The following SREBF1 variants were observed in gnomAD, a reference collection of about 807,000 sequenced individuals.
SREBF1 encodes the protein sterol regulatory element-binding protein 1.
A neutral mutation model predicts 100.1 loss-of-function variants in SREBF1; 45 were observed. The ratio of observed to expected loss-of-function variants is 0.45; its 90% CI spans 0.35 to 0.58. The LOEUF (loss-of-function observed/expected upper bound fraction) is 0.58. SREBF1 is among the 20% of genes least tolerant of loss of function. SREBF1 has a pLI of 0.00. For synonymous variants in SREBF1, 657 were observed against 681.8 expected (o/e 0.96, Z 0.57); for missense variants, 1,324 against 1,539.4 (o/e 0.86, Z 2.34).
intron 1 of SREBF1, among the ~76,000 whole-genome samples, chr17:17,831,177 A>G (rs1004388866): frequency 6.9e-4 from 54 of 78,052 alleles, no homozygotes; most frequent in African/African-American, 2.5e-3. Flanking sequence ...GGCAGTAACT[A>G]GTCTAGAGCT....
chr17:17,814,177 G>T, intron 16 of SREBF1, 68 bp downstream of exon 16: 1 of 1,522,946 alleles, frequency 6.6e-7, no homozygotes, highest in East Asian at 2.4e-5. Flanking sequence ...CTGGGGGCTG[G>T]GGAGAGGAAC....
chr17:17,816,662 C>T lies in SREBF1; in HGVS notation c.1842G>A (p.Arg614=). 6.3e-7 allele frequency: 1 copy of T among 1,587,462 alleles called. No homozygotes were observed. Among genetic ancestry groups the T allele is most frequent in the Non-Finnish European group, 8.6e-7 (1 of 1,168,108 alleles). Residue 614 remains arginine (R), a synonymous_variant, in exon 10 of 19, where the codon CGG becomes CGA. Transcript: ENST00000261646. The part of the protein sequence containing the change: ...QLWLALRALG[R]PLPTSHLDLA... Reference sequence around the variant, plus strand: ...GGTCCAGGTGGGAGGTGGGCAGGGGCCGGCCCAGTGCCCGCAGGGCCAGCC... The same window carrying T: ...GGTCCAGGTGGGAGGTGGGCAGGGGTCGGCCCAGTGCCCGCAGGGCCAGCC...
chr17:17,822,486 G>A (rs1480455604), intron 1 of SREBF1, among the ~76,000 whole-genome samples: 2 of 152,186 alleles, frequency 1.3e-5, no homozygotes, highest in African/African-American at 4.8e-5. Flanking sequence ...ATACAGACTG[G>A]GACACACTCC....
At chr17:17,836,515 C>T (rs1361793218) in intron 1 of SREBF1, among the ~76,000 whole-genome samples, 1 of 152,196 alleles carries the variant, frequency 6.6e-6, no homozygotes, top group Non-Finnish European at 1.5e-5. Flanking sequence ...GCCCAGGAGC[C>T]CTCACCCACA....
intron 16 of SREBF1, 21 bp downstream of exon 16, chr17:17,814,224 G>T: frequency 6.3e-7 from 1 of 1,594,424 alleles, no homozygotes. Flanking sequence ...GCCCTGCCAG[G>T]CCCCTGACCC....
intron 5 of SREBF1, chr17:17,818,689 G>A (rs1400325965): frequency 1.3e-5 from 7 of 547,778 alleles, no homozygotes; most frequent in Admixed American, 3.1e-5. Context: ...TCTCTGCAAC[G>A]AGCCAAACGT....
chr17:17,819,424 CT>C lies in SREBF1; in HGVS notation c.741del (p.Asp248ThrfsTer5). The C allele has an allele frequency of 6.2e-7, 1 of 1,613,856 alleles. No homozygotes were observed. Among genetic ancestry groups the C allele is most frequent in the African/African-American group, 1.3e-5 (1 of 75,078 alleles). The part of the protein sequence containing the change: ...PVLLQPHFIK[A>X]DSLLLTAMKT... Reference sequence around the variant, plus strand: ...TTCATGGCTGTCAGAAGCAGCGAGTCTGCCTTGATGAAGTGGGGCTGCAGCA... The same window carrying C: ...TTCATGGCTGTCAGAAGCAGCGAGTCGCCTTGATGAAGTGGGGCTGCAGCA... On this transcript the variant is annotated frameshift_variant, in exon 4 of 19. Transcript: ENST00000261646. LOFTEE classifies it high-confidence loss of function.
At chr17:17,813,920 G>A (rs2033244129) in intron 16 of SREBF1, 151 bp from the exon 17 acceptor site, 2 of 851,930 alleles carry the variant, frequency 2.3e-6, no homozygotes, top group Non-Finnish European at 3.6e-6. Flanking sequence ...AATGCACCGC[G>A]GGGCCGCCCG....
At chr17:17,831,392 G>A (rs917744324) in intron 1 of SREBF1, among the ~76,000 whole-genome samples, 7 of 152,074 alleles carry the variant, frequency 4.6e-5, no homozygotes, top group East Asian at 3.9e-4. Context: ...ACATCAGGGC[G>A]GGAGAACTCT....
Position 17,823,646 on chromosome 17 carries a change from T to C in SREBF1, c.92-3125A>G, listed in dbSNP as rs202244145. ...GCGGATTTTTGAAGCCGTTGAGCGC[T>C]GCGGCGCGCCCGCCCCGCCCCGCCC... On this transcript the variant is annotated intron_variant, in intron 1 of 18. Coordinates refer to ENST00000261646, the MANE Select transcript of SREBF1 (RefSeq NM_004176.5). 4,921 of 1,530,330 alleles carry C rather than the reference T, an allele frequency of 3.2e-3. 124 individuals carry two copies. In the African/African-American group the frequency reaches 0.056, roughly 17 times the overall value. 94.8% of individuals were successfully genotyped at this position (1,530,330 alleles called of 1,614,324 possible).
chr17:17,828,023 T>C (rs1249054120), intron 1 of SREBF1, among the ~76,000 whole-genome samples: 1 of 152,054 alleles, frequency 6.6e-6, no homozygotes, highest in Non-Finnish European at 1.5e-5. Flanking sequence ...TGGGGGCCCC[T>C]CCTGTCAGGG....
Position 17,812,825 on chromosome 17 carries a change from G to GCCGCGGCTCCAGCTCCGCCA in SREBF1, c.3221_3240dup (p.Pro1081TrpfsTer133). On this transcript the variant is annotated frameshift_variant, in exon 19 of 19. Coordinates refer to ENST00000261646, the MANE Select transcript of SREBF1 (RefSeq NM_004176.5). LOFTEE classifies it high-confidence loss of function. ...GCCTCCGCGTGCTCCCGCCGCGTGG[G>GCCGCGGCTCCAGCTCCGCCA]CCGCGGCTCCAGCTCCGCCACCGCG... The GCCGCGGCTCCAGCTCCGCCA allele has an allele frequency of 6.8e-7, 1 of 1,477,418 alleles. No homozygotes were observed. The highest frequency in any genetic ancestry group is 1.4e-5 in the African/African-American group (1 of 69,830). 91.5% of individuals were successfully genotyped at this position (1,477,418 alleles called of 1,614,324 possible).
At chr17:17,818,810 ATG>A (rs2033856431) in intron 5 of SREBF1, 9 of 651,286 alleles carry the variant, frequency 1.4e-5, no homozygotes, top group Non-Finnish European at 1.9e-5. Context: ...TGCATCCCCA[ATG>A]CCTAGCACAG....
In SREBF1 at chr17:17,819,627, C is replaced by T. The variant is rs1289091917; in HGVS notation, c.622G>A (p.Val208Met). ...ACTGTCAGTAGCTGCTGGGGGACCACACTCTGGACCTGGGTGTGCAAGGAG... is the reference window on the plus strand; with the variant it reads ...ACTGTCAGTAGCTGCTGGGGGACCATACTCTGGACCTGGGTGTGCAAGGAG... ...PVSLHTQVQSVVPQQLLTVTA... is the reference protein window; with the variant it reads ...PVSLHTQVQSMVPQQLLTVTA... Residue 208 changes from valine (V) to methionine (M), a missense_variant, in exon 3 of 19, where the codon GTG becomes ATG. Transcript: ENST00000261646. The T allele has an allele frequency of 6.2e-7, 1 of 1,613,068 alleles. No individual in the cohort carries two copies.
In SREBF1 at chr17:17,815,886, C is replaced by G; in HGVS notation, c.2357G>C (p.Ser786Thr). 1.9e-6 allele frequency: 3 copies of G among 1,612,926 alleles called. No homozygotes were observed. The highest frequency in any genetic ancestry group is 2.5e-6 in the Non-Finnish European group (3 of 1,179,900). Residue 786 changes from serine to threonine, a missense_variant, in exon 12 of 19, where the codon AGC (serine) becomes ACC (threonine). Transcript: ENST00000261646. ...TGGGTTCCCGGCCAAGCTGTACAGG[C>G]TCTCCCATGGGGTACTGAGCACGGA... ...DWSVLSTPWE[S>T]LYSLAGNPVD...
At chr17:17,832,154 G>A (rs2034899868) in intron 1 of SREBF1, among the ~76,000 whole-genome samples, 1 of 152,164 alleles carries the variant, frequency 6.6e-6, no homozygotes, top group East Asian at 1.9e-4. Context: ...TTGAATTCTG[G>A]CTTTGCCATC....
chr17:17,836,847 CG>C lies in SREBF1; in HGVS notation c.-31del, dbSNP rs537948037. On this transcript the variant is annotated 5_prime_UTR_variant, in exon 1 of 19. Transcript: ENST00000261646. ...CAGCCGCCTCCTCCGGGAGGCCCGC[CG>C]GGCCCGCCGCCTCGTACGGCCCTTC... The C allele has an allele frequency of 6.8e-7, 1 of 1,478,336 alleles. No individual in the cohort carries two copies. Among genetic ancestry groups the C allele is most frequent in the Non-Finnish European group, 9.0e-7 (1 of 1,111,292 alleles). 91.6% of individuals were successfully genotyped at this position (1,478,336 alleles called of 1,614,324 possible). A position where few individuals can be genotyped will look rare whatever the true frequency, so the allele number is the denominator to read the frequency against.
chr17:17,811,882 A>C lies in SREBF1; in HGVS notation c.*740T>G. The stretch of plus-strand genomic sequence containing the variant: ...AACCATGTGCCCTGGGAGCAGGGGG[A>C]ACAGGTAGGCTGGAGGCCATACAGC... On this transcript the variant is annotated 3_prime_UTR_variant, in exon 19 of 19. Coordinates refer to ENST00000261646, the MANE Select transcript of SREBF1 (RefSeq NM_004176.5). 2.3e-6 allele frequency: 1 copy of C among 435,060 alleles called. No homozygotes were observed. Among genetic ancestry groups the C allele is most frequent in the South Asian group, 1.6e-5 (1 of 61,792 alleles). The allele number at this position is 435,060 out of a possible 1,614,324, so 26.9% of individuals were successfully genotyped here.
chr17:17,827,738 C>A (rs1435186336), intron 1 of SREBF1, among the ~76,000 whole-genome samples: 1 of 152,174 alleles, frequency 6.6e-6, no homozygotes, highest in African/African-American at 2.4e-5. Context: ...TATGAAGAAT[C>A]TGGTACACAA....
Sources: gnomAD v4.1 joint callset for allele counts (sites outside exome capture counted in the v4.1 genomes callset) on GRCh38, gnomAD v4.1.1 for gene constraint, MANE v1.5 for transcripts, NCBI Gene and HGNC (gene_info 2026-07-23, HGNC 2026-07-21) for gene names.